Variants in DENND4C observed in about 807,000 individuals in gnomAD.
The protein encoded by DENND4C is DENN domain containing 4C, also known as DENN domain-containing protein 4C.
A neutral mutation model predicts 203.0 loss-of-function variants in DENND4C; 108 were observed. The observed-to-expected ratio is 0.53, with a 90% CI of 0.46 to 0.62. The LOEUF is 0.62. DENND4C is among the 20% of genes least tolerant of loss of function. The probability of loss-of-function intolerance (pLI) is 0.00; values close to 1 mark genes in which losing one functional copy is unlikely to be tolerated. For synonymous variants in DENND4C, 871 were observed against 792.4 expected (o/e 1.10, Z -1.67); for missense variants, 2,481 against 2,301.2 (o/e 1.08, Z -1.60).
At chr9:19,282,351 G>A (rs1463655611) in intron 2 of DENND4C, among the ~76,000 whole-genome samples, 1 of 150,936 alleles carries the variant, frequency 6.6e-6, no homozygotes. Flanking sequence ...CACCTCCTGG[G>A]CTCAGGCGAT....
chr9:19,338,950 C>A (rs1407202188), intron 20 of DENND4C, among the ~76,000 whole-genome samples: 3 of 152,070 alleles, frequency 2.0e-5, no homozygotes, highest in African/African-American at 4.8e-5. Flanking sequence ...AGTACCTGAT[C>A]TTAGTTTTGA....
At chr9:19,240,962 C>A (rs13289179) in intron 1 of DENND4C, among the ~76,000 whole-genome samples, 11,596 of 152,192 alleles carry the variant, frequency 0.076, 540 homozygotes, top group South Asian at 0.17. Context: ...CAGAACACAA[C>A]AGAACACAGA....
chr9:19,337,607 T>G (rs1820766262), intron 20 of DENND4C: 1 of 1,281,626 alleles, frequency 7.8e-7, no homozygotes, highest in Non-Finnish European at 1.0e-6. Flanking sequence ...GCAGACAGAC[T>G]TATATGACGT....
chr9:19,349,380 C>G (rs1018680679), intron 23 of DENND4C, among the ~76,000 whole-genome samples: 1 of 152,172 alleles, frequency 6.6e-6, no homozygotes, highest in African/African-American at 2.4e-5. Flanking sequence ...TGCACTCCAG[C>G]CTGGGTGATA....
intron 1 of DENND4C, among the ~76,000 whole-genome samples, chr9:19,246,846 T>C (rs10123206): frequency 0.5 from 76,053 of 152,004 alleles, 19,802 homozygotes; most frequent in South Asian, 0.59. Context: ...CTAACTTCAA[T>C]AGGGATGGCA....
chr9:19,317,043 TAG>T (rs2131563763), intron 12 of DENND4C, among the ~76,000 whole-genome samples: 1 of 152,248 alleles, frequency 6.6e-6, no homozygotes, highest in African/African-American at 2.4e-5. Flanking sequence ...AATCTGAAAC[TAG>T]AGATATTTAA....
At chr9:19,363,547 A>T (rs1175645729) in intron 30 of DENND4C, among the ~76,000 whole-genome samples, 1 of 152,078 alleles carries the variant, frequency 6.6e-6, no homozygotes, top group Non-Finnish European at 1.5e-5. Flanking sequence ...TTATGTCCTC[A>T]TGTAACCTTA....
Position 19,372,317 on chromosome 9 carries a change from T to C in DENND4C, c.*144T>C. ...GGGGACAATATATAATGAATTATGA[T>C]TCATATTGCATTACCTTGAAATATG... On this transcript the variant is annotated 3_prime_UTR_variant, in exon 33 of 33. Coordinates refer to ENST00000434457, the MANE Select transcript of DENND4C (RefSeq NM_001330640.2). 3.0e-6 allele frequency: 3 copies of C among 998,730 alleles called. No individual in the cohort carries two copies. The South Asian group carries it at 5.9e-5, about 20-fold the overall frequency. 61.9% of individuals were successfully genotyped at this position (998,730 alleles called of 1,614,324 possible).
intron 30 of DENND4C, among the ~76,000 whole-genome samples, chr9:19,366,377 G>A (rs1280565416): frequency 1.3e-5 from 2 of 152,102 alleles, no homozygotes; most frequent in African/African-American, 4.8e-5. Context: ...CGAGGCGGGC[G>A]GATCACGAGG....
At chr9:19,243,467 C>T (rs759975832) in intron 1 of DENND4C, among the ~76,000 whole-genome samples, 16 of 152,260 alleles carry the variant, frequency 1.1e-4, no homozygotes, top group East Asian at 1.9e-4. Context: ...TGTTCCCAAA[C>T]GTTTTCATCA....
At chr9:19,315,345 G>C (rs1276782676) in intron 10 of DENND4C, among the ~76,000 whole-genome samples, 1 of 151,810 alleles carries the variant, frequency 6.6e-6, no homozygotes, top group Non-Finnish European at 1.5e-5. Context: ...GTTACTCTGG[G>C]TTTTCAACCC....
At chr9:19,321,918 T>G (rs1380290989) in intron 12 of DENND4C, among the ~76,000 whole-genome samples, 2 of 151,464 alleles carry the variant, frequency 1.3e-5, no homozygotes, top group African/African-American at 4.9e-5. Context: ...CCTGAAGTCA[T>G]GTGATGGTTT....
intron 1 of DENND4C, among the ~76,000 whole-genome samples, chr9:19,249,881 C>G (rs551523392): frequency 3.3e-5 from 5 of 152,286 alleles, no homozygotes; most frequent in African/African-American, 1.2e-4. Context: ...TGGTCTCAAA[C>G]TCCTGGGGTC....
intron 1 of DENND4C, among the ~76,000 whole-genome samples, chr9:19,232,008 A>T (rs1420112418): frequency 1.3e-5 from 2 of 152,192 alleles, no homozygotes; most frequent in East Asian, 3.8e-4. Flanking sequence ...AGAGCGTTGT[A>T]TGATTTTTCT....
chr9:19,267,573 A>T (rs557005900), intron 1 of DENND4C, among the ~76,000 whole-genome samples: 1 of 152,002 alleles, frequency 6.6e-6, no homozygotes, highest in South Asian at 2.1e-4. Flanking sequence ...TTCTCACTTT[A>T]TCCCCCAGGC....
intron 1 of DENND4C, among the ~76,000 whole-genome samples, chr9:19,250,127 C>T (rs1205056869): frequency 6.6e-6 from 1 of 152,122 alleles, no homozygotes; most frequent in Non-Finnish European, 1.5e-5. Context: ...GCAGGACCTC[C>T]ATCTCTACTG....
intron 27 of DENND4C, 113 bp from the exon 28 acceptor site, chr9:19,357,849 ATTC>A: frequency 1.2e-6 from 1 of 832,810 alleles, no homozygotes. Context: ...GGTGGTGCTG[ATTC>A]TTCTTAGATA....
At chr9:19,283,608 T>TCC (rs1328878699) in intron 2 of DENND4C, among the ~76,000 whole-genome samples, 1 of 109,794 alleles carries the variant, frequency 9.1e-6, no homozygotes, top group Non-Finnish European at 2.0e-5. Flanking sequence ...TCTTTTTTCT[T>TCC]TCTTTTTTTT....
chr9:19,232,841 T>C (rs1342229418), intron 1 of DENND4C, among the ~76,000 whole-genome samples: 2 of 152,170 alleles, frequency 1.3e-5, no homozygotes, highest in African/African-American at 4.8e-5. Context: ...ACACAAGGGA[T>C]TTTACATTAT....
Sources: allele counts gnomAD v4.1 joint callset (sites outside exome capture counted in the v4.1 genomes callset), GRCh38; gene constraint gnomAD v4.1.1; transcripts MANE v1.5; gene names NCBI Gene and HGNC (gene_info 2026-07-23, HGNC 2026-07-21).